The following SYNDIG1L variants were observed in gnomAD, a reference collection of about 807,000 sequenced individuals.
SYNDIG1L encodes synapse differentiation inducing 1 like, also known as synapse differentiation-inducing gene protein 1-like.
SYNDIG1L carries 13 observed loss-of-function variants against 20.1 expected under a neutral mutation model. The observed-to-expected ratio is 0.65, with a 90% CI of 0.42 to 1.03. The LOEUF is 1.03. SYNDIG1L is among the 50% of genes least tolerant of loss of function. The pLI, the probability that SYNDIG1L is intolerant of heterozygous loss-of-function variation, is 0.00. For synonymous variants in SYNDIG1L, 128 were observed against 129.3 expected, an observed-to-expected ratio of 0.99 and a Z score of 0.07; for missense variants, 294 against 305.1, an observed-to-expected ratio of 0.96 and a Z score of 0.27.
At chr14:74,425,698 T>C (rs1408333805) in intron 1 of SYNDIG1L, among the ~76,000 whole-genome samples, 2 of 152,104 alleles carry the variant, frequency 1.3e-5, no homozygotes, top group Non-Finnish European at 2.9e-5. Flanking sequence ...GGTTATGGTG[T>C]CTTGACCCCA....
chr14:74,414,604 A>G (rs12589306), intron 1 of SYNDIG1L, among the ~76,000 whole-genome samples: 19,482 of 152,072 alleles, frequency 0.13, 2,828 homozygotes, highest in African/African-American at 0.35. Context: ...ACATTGGTTC[A>G]TTTATCTGTC....
chr14:74,414,103 A>T (rs918992562), intron 1 of SYNDIG1L, among the ~76,000 whole-genome samples: 3 of 152,184 alleles, frequency 2.0e-5, no homozygotes, highest in African/African-American at 7.2e-5. Context: ...ACCGGCACTC[A>T]GAGCAGAGCA....
At chr14:74,476,592 T>G in the SYNDIG1L span, 2 of 1,534,530 alleles carry the variant, frequency 1.3e-6, no homozygotes, top group Non-Finnish European at 1.7e-6. Flanking sequence ...CATGGGAACA[T>G]CTGCAGAAAG....
Position 74,409,716 on chromosome 14 carries a change from G to A in SYNDIG1L, c.29C>T (p.Pro10Leu), listed in dbSNP as rs757419615. The change falls in exon 2 of 4, where the codon CCG becomes CTG. Residue 10 changes from proline (P) to leucine (L), a missense_variant. By Grantham distance (98) the Pro-to-Leu change is moderately conservative (BLOSUM62 -3). Coordinates refer to ENST00000331628, the MANE Select transcript of SYNDIG1L (RefSeq NM_001105579.2). MESLSELQNPLLPRSPAHLH... is the reference protein window; with the variant it reads MESLSELQNLLLPRSPAHLH... Reference sequence around the variant, plus strand: ...ATGGGCAGGGCTCCTGGGCAGCAGCGGGTTCTGTAGTTCACTCAGACTCTC... The same window carrying A: ...ATGGGCAGGGCTCCTGGGCAGCAGCAGGTTCTGTAGTTCACTCAGACTCTC... The A allele has an allele frequency of 3.1e-5, 45 of 1,465,440 alleles. No homozygotes were observed. Among genetic ancestry groups the A allele is most frequent in the African/African-American group, 4.3e-5 (3 of 70,298 alleles). The allele number at this position is 1,465,440 out of a possible 1,614,324, so 90.8% of individuals were successfully genotyped here.
At chr14:74,434,808 G>A in the SYNDIG1L span, among the ~76,000 whole-genome samples, 2 of 151,504 alleles carry the variant, frequency 1.3e-5, no homozygotes, top group Non-Finnish European at 2.9e-5. Context: ...CAGGCTGGGC[G>A]CGGTGGCTCA....
At chr14:74,442,141 AC>A in the SYNDIG1L span, among the ~76,000 whole-genome samples, 1 of 152,002 alleles carries the variant, frequency 6.6e-6, no homozygotes, top group Admixed American at 6.6e-5. Flanking sequence ...CATTCATTCT[AC>A]AAATATCTGT....
chr14:74,442,888 G>GT, the SYNDIG1L span, among the ~76,000 whole-genome samples: 2 of 152,142 alleles, frequency 1.3e-5, no homozygotes, highest in African/African-American at 4.8e-5. Flanking sequence ...TAATTGAATG[G>GT]TTGATGGTGC....
the SYNDIG1L span, among the ~76,000 whole-genome samples, chr14:74,470,355 T>C: frequency 6.6e-6 from 1 of 152,190 alleles, no homozygotes; most frequent in African/African-American, 2.4e-5. Flanking sequence ...ATTTTGCCTG[T>C]GGGTCTGGTC....
At chr14:74,449,625 A>AAAAAAG in the SYNDIG1L span, among the ~76,000 whole-genome samples, 3 of 149,398 alleles carry the variant, frequency 2.0e-5, no homozygotes, top group African/African-American at 7.4e-5. Context: ...AAAAAAAAAG[A>AAAAAAG]AAAAAGAAAA....
At chr14:74,430,617 G>A (rs2086296029), upstream of SYNDIG1L, among the ~76,000 whole-genome samples, 1 of 152,120 alleles carries the variant, frequency 6.6e-6, no homozygotes. Flanking sequence ...TGTATTTTTA[G>A]TAGAGATGGG....
intron 2 of SYNDIG1L, among the ~76,000 whole-genome samples, chr14:74,408,225 A>G (rs184617843): frequency 6.6e-6 from 1 of 152,222 alleles, no homozygotes; most frequent in African/African-American, 2.4e-5. Flanking sequence ...AAATACCTAC[A>G]TCCAGGGTTG....
At position 74,426,135 on chromosome 14, in the gene SYNDIG1L, C is replaced by G. The variant is rs1177958742; in HGVS notation, c.-281G>C. The G allele has an allele frequency of 6.7e-6, 1 of 148,236 alleles. No homozygotes were observed. The highest frequency in any genetic ancestry group is 1.5e-5 in the Non-Finnish European group (1 of 66,394). The allele number at this position is 148,236 out of a possible 1,614,324, so 9.2% of individuals were successfully genotyped here. A position where few individuals can be genotyped will look rare whatever the true frequency, so the allele number is the denominator to read the frequency against. The stretch of plus-strand genomic sequence containing the variant: ...CCGCCCCGCGCGGTCCCGGGAGCCC[C>G]GCATCCTGGCCGGGCCCCGCCGCCG... On this transcript the variant is annotated 5_prime_UTR_variant, in exon 1 of 4. Coordinates refer to ENST00000331628, the MANE Select transcript of SYNDIG1L (RefSeq NM_001105579.2).
chr14:74,471,487 A>G, the SYNDIG1L span, among the ~76,000 whole-genome samples: 1 of 152,084 alleles, frequency 6.6e-6, no homozygotes, highest in Non-Finnish European at 1.5e-5. Context: ...AATCTCAGCT[A>G]CTTGGGGGAC....
chr14:74,469,002 C>A, the SYNDIG1L span, among the ~76,000 whole-genome samples: 2 of 152,104 alleles, frequency 1.3e-5, no homozygotes, highest in African/African-American at 4.8e-5. Flanking sequence ...TGTGTCTGTG[C>A]GTCCTGTCAA....
At position 74,406,270 on chromosome 14, in the gene SYNDIG1L, C is replaced by T. The variant is rs543990521; in HGVS notation, c.*1265G>A. The T allele has an allele frequency of 2.5e-4, 97 of 395,440 alleles. No homozygotes were observed. The highest frequency in any genetic ancestry group is 9.3e-5 in the Non-Finnish European group (21 of 224,684). The allele number at this position is 395,440 out of a possible 1,614,324, so 24.5% of individuals were successfully genotyped here. On this transcript the variant is annotated 3_prime_UTR_variant, in exon 4 of 4. Coordinates refer to ENST00000331628, the MANE Select transcript of SYNDIG1L (RefSeq NM_001105579.2). ...GGTAACCAGGTACCCACCACTGACC[C>T]CCTAGCATTCAGAGATGGGAAAACA... is the stretch of plus-strand genomic sequence containing the variant.
rs532921074 is a variant in SYNDIG1L, at chr14:74,410,785, CT to C, written c.-57-985del. Among the ~76,000 whole-genome samples the C allele has an allele frequency of 1.8e-3, 276 of 152,268 alleles. 3 individuals carry two copies. The highest frequency in any genetic ancestry group is 6.4e-3 in the African/African-American group (265 of 41,538). ...TGTCAGCTCTTACTGAGGGAGGATG[CT>C]TGTCCCTAGCAATGGTCTTAGAGGG... On this transcript the variant is annotated intron_variant, in intron 1 of 3. Transcript: ENST00000331628.
the SYNDIG1L span, among the ~76,000 whole-genome samples, chr14:74,463,946 G>C: frequency 7.0e-6 from 1 of 141,922 alleles, no homozygotes; most frequent in Admixed American, 7.0e-5. Flanking sequence ...CTGATGAACC[G>C]GGCAACTCAC....
At chr14:74,457,884 A>G in the SYNDIG1L span, among the ~76,000 whole-genome samples, 2 of 152,112 alleles carry the variant, frequency 1.3e-5, no homozygotes, top group African/African-American at 4.8e-5. Flanking sequence ...TGCAGCCTCA[A>G]TCTTGTGAGC....
At chr14:74,476,673 C>A in the SYNDIG1L span, 7 of 1,104,758 alleles carry the variant, frequency 6.3e-6, no homozygotes, top group Middle Eastern at 2.2e-4. Context: ...CATTGCCCAC[C>A]CTCTTCCAGG....
Sources: allele counts gnomAD v4.1 joint callset (sites outside exome capture counted in the v4.1 genomes callset), GRCh38; gene constraint gnomAD v4.1.1; transcripts MANE v1.5; gene names NCBI Gene and HGNC (gene_info 2026-07-23, HGNC 2026-07-21).